DMPK: variants seen among roughly 807,000 people sequenced by gnomAD.
The protein encoded by DMPK is DM1 protein kinase.
In DMPK, 32 loss-of-function variants were observed where a neutral mutation model predicts 70.3. The ratio of observed to expected loss-of-function variants is 0.46; its 90% confidence interval spans 0.34 to 0.61. The LOEUF (loss-of-function observed/expected upper bound fraction) is 0.61. Among genes scored for constraint, DMPK ranks in the 20% least tolerant of loss-of-function variants. The probability of loss-of-function intolerance (pLI) is 0.01; values close to 1 mark genes in which losing one functional copy is unlikely to be tolerated. For missense variants in DMPK, 899 were observed against 886.0 expected (o/e 1.01, Z -0.19); for synonymous variants, 469 against 390.9 (o/e 1.20, Z -2.36).
At chr19:45,778,836 A>C (rs1969939732) in intron 4 of DMPK, 195 bp from the exon 5 acceptor site, 3 of 607,916 alleles carry the variant, frequency 4.9e-6, no homozygotes, top group East Asian at 2.8e-5. Flanking sequence ...CTCAAAAAAA[A>C]ACACAAACAA....
chr19:45,773,799 C>T (rs1969614031), intron 9 of DMPK, among the ~76,000 whole-genome samples: 1 of 152,094 alleles, frequency 6.6e-6, no homozygotes, highest in African/African-American at 2.4e-5. Context: ...GACCACCATG[C>T]CTGGCACGAT....
At chr19:45,781,636 T>C (rs978240010) in intron 1 of DMPK, among the ~76,000 whole-genome samples, 26 of 152,166 alleles carry the variant, frequency 1.7e-4, no homozygotes, top group Non-Finnish European at 2.8e-4. Flanking sequence ...TGGTGGCGCC[T>C]GTCTGCAAAG....
At position 45,778,236 on chromosome 19, in the gene DMPK, G is replaced by A. The variant is rs1969891338; in HGVS notation, c.582-16C>T. The A allele has an allele frequency of 6.2e-7, 1 of 1,606,570 alleles. No individual in the cohort carries two copies. Among genetic ancestry groups the A allele is most frequent in the African/African-American group, 1.3e-5 (1 of 74,714 alleles). ...TTTGATGTCCCTGCACGGAGGAAAAGAGAAGGGTGGGATAAATGAACCTCC... is the reference window on the plus strand; with the variant it reads ...TTTGATGTCCCTGCACGGAGGAAAAAAGAAGGGTGGGATAAATGAACCTCC... On this transcript the variant is annotated splice_polypyrimidine_tract_variant and intron_variant, in intron 5 of 14. Coordinates refer to ENST00000291270, the MANE Select transcript of DMPK (RefSeq NM_004409.5).
In DMPK at chr19:45,771,052, G is replaced by A. The variant is rs752900688; in HGVS notation, c.1656C>T (p.Gly552=). 5.3e-6 allele frequency: 8 copies of A among 1,519,942 alleles called. No individual in the cohort carries two copies. The Middle Eastern group carries it at 5.1e-4, about 97-fold the overall frequency. 94.2% of individuals were successfully genotyped at this position (1,519,942 alleles called of 1,614,324 possible). Reference sequence around the variant, plus strand: ...ACTGGCCCACAGCCACGGCCGGGGGGCCATCTAGCTGGAGAGAGAAGGGAC... The same window carrying A: ...ACTGGCCCACAGCCACGGCCGGGGGACCATCTAGCTGGAGAGAGAAGGGAC... ...RATDPPSHLD[G]PPAVAVGQCP... is the part of the protein sequence containing the mutation. Residue 552 remains glycine (G), a synonymous_variant, in exon 14 of 15, where the codon GGC becomes GGT. Transcript: ENST00000291270.
At chr19:45,782,156 C>G (rs1970157608) in intron 1 of DMPK, 37 bp downstream of exon 1, 1 of 1,190,104 alleles carries the variant, frequency 8.4e-7, no homozygotes, top group South Asian at 1.8e-5. Context: ...GCCCCACCCC[C>G]ACCCCATCTG....
At chr19:45,779,042 G>A (rs1399111804) in intron 4 of DMPK, 3 of 601,116 alleles carry the variant, frequency 5.0e-6, no homozygotes, top group Non-Finnish European at 8.9e-6. Context: ...CTTTATAAGA[G>A]TCCCCCAGAT....
chr19:45,775,117 C>G (rs1035648697), intron 8 of DMPK, 83 bp from the exon 9 acceptor site: 8 of 1,090,416 alleles, frequency 7.3e-6, no homozygotes, highest in Middle Eastern at 1.9e-4. Flanking sequence ...ATGTTCCCCC[C>G]AAACCAGCCC....
At chr19:45,779,905 C>T (rs1362269202) in intron 1 of DMPK, 36 bp from the exon 2 acceptor site, 2 of 1,613,752 alleles carry the variant, frequency 1.2e-6, no homozygotes, top group Admixed American at 1.7e-5. Context: ...CCGAGGGTCA[C>T]CAGAAAGGGC....
rs2146248845 is a variant in DMPK at position 45,777,631 on chromosome 19, C to T, written c.882+36G>A. On this transcript the variant is annotated intron_variant, in intron 7 of 14. Transcript: ENST00000291270. This position sits in a 1 kb window ranked among gnomAD's most constrained non-coding sequence, Gnocchi z 6.7. ...GGAGGCGATAGCCTGGGAGCGCCTA[C>T]CGGGAGAGGCCAGGTCTCCCTGCGG... 2.5e-6 allele frequency: 4 copies of T among 1,613,306 alleles called. No individual in the cohort carries two copies. Among genetic ancestry groups the T allele is most frequent in the South Asian group, 1.1e-5 (1 of 91,058 alleles).
intron 1 of DMPK, among the ~76,000 whole-genome samples, chr19:45,781,002 G>A (rs766274584): frequency 6.6e-6 from 1 of 152,166 alleles, no homozygotes; most frequent in Non-Finnish European, 1.5e-5. Flanking sequence ...AGGGAGGCCA[G>A]GAGAGTCATT....
intron 14 of DMPK, 147 bp from the exon 15 acceptor site, chr19:45,770,787 C>G: frequency 2.8e-6 from 3 of 1,073,102 alleles, no homozygotes; most frequent in Non-Finnish European, 2.6e-6. Flanking sequence ...AGTCCACTCG[C>G]ACGCCTCGAA....
chr19:45,777,440 C>T lies in DMPK; in HGVS notation c.1033G>A (p.Asp345Asn), dbSNP rs1324188189. The change falls in exon 8 of 15, where the codon GAT becomes AAT. Residue 345 changes from aspartate (D) to asparagine (N), a missense_variant. Coordinates refer to ENST00000291270, the MANE Select transcript of DMPK (RefSeq NM_004409.5). This position sits in a 1 kb window ranked among gnomAD's most constrained non-coding sequence, Gnocchi z 6.7. ...THPFFFGLDW[D>N]GLRDSVPPFT... ...GGGGGCACGCTGTCCCGGAGACCATCCCAGTCGAGGCCAAAGAAGAAGGGA... is the reference window on the plus strand; with the variant it reads ...GGGGGCACGCTGTCCCGGAGACCATTCCAGTCGAGGCCAAAGAAGAAGGGA... 1.9e-6 allele frequency: 3 copies of T among 1,613,524 alleles called. No homozygotes were observed. The highest frequency in any genetic ancestry group is 2.2e-5 in the East Asian group (1 of 44,886).
chr19:45,781,647 C>A, intron 1 of DMPK, among the ~76,000 whole-genome samples: 1 of 152,236 alleles, frequency 6.6e-6, no homozygotes. Flanking sequence ...GTCTGCAAAG[C>A]TGGTTCTCCC....
chr19:45,779,491 T>A lies in DMPK; in HGVS notation c.284A>T (p.Gln95Leu), dbSNP rs1239016140. The change falls in exon 3 of 15, where the codon CAG (glutamine) becomes CTG (leucine). Residue 95 changes from glutamine (Q) to leucine (L), a missense_variant. Physicochemically the swap from Gln to Leu is moderately radical, Grantham distance 113. Transcript: ENST00000291270. The part of the protein sequence containing the change: ...VAVVKMKQTG[Q>L]VYAMKIMNKW... ...GTTCATGATCTTCATGGCATACACC[T>A]GGCCCGTCTGCTTCATCTTCACTAC... 6.2e-7 allele frequency: 1 copy of A among 1,613,890 alleles called. No individual in the cohort carries two copies. The highest frequency in any genetic ancestry group is 1.1e-5 in the South Asian group (1 of 91,072).
rs1969447542 is a variant in DMPK, at chr19:45,771,561, G to A, written c.1600+7C>T. 2 of 1,613,804 alleles carry A rather than the reference G, an allele frequency of 1.2e-6. No individual in the cohort carries two copies. The highest frequency in any genetic ancestry group is 8.5e-7 in the Non-Finnish European group (1 of 1,179,950). ...CCTCCGGGGAAGGGGACACATGAGGGACTCACCTGTGGCTCCCTCTGCCTG... is the reference window on the plus strand; with the variant it reads ...CCTCCGGGGAAGGGGACACATGAGGAACTCACCTGTGGCTCCCTCTGCCTG... On this transcript the variant is annotated splice_region_variant and intron_variant, in intron 12 of 14. Coordinates refer to ENST00000291270, the MANE Select transcript of DMPK (RefSeq NM_004409.5).
rs1384048220 is a variant in DMPK at position 45,771,016 on chromosome 19, C to T, written c.1692G>A (p.Val564=). Reference sequence around the variant, plus strand: ...GGCGGCGGTGCATGGGGCCTGGCCCCACCAGCGGGCACTGGCCCACAGCCA... The same window carrying T: ...GGCGGCGGTGCATGGGGCCTGGCCCTACCAGCGGGCACTGGCCCACAGCCA... ...PAVAVGQCPL[V]GPGPMHRRHL... is the part of the protein sequence containing the mutation. The change falls in exon 14 of 15, where the codon GTG becomes GTA. Residue 564 remains valine, a synonymous_variant. Transcript: ENST00000291270. The T allele has an allele frequency of 1.4e-6, 2 of 1,477,658 alleles. No individual in the cohort carries two copies. Among genetic ancestry groups the T allele is most frequent in the Non-Finnish European group, 1.8e-6 (2 of 1,117,864 alleles). 91.5% of individuals were successfully genotyped at this position (1,477,658 alleles called of 1,614,324 possible).
At position 45,770,542 on chromosome 19, in the gene DMPK, G is replaced by T. The variant is rs753341366; in HGVS notation, c.1836C>A (p.His612Gln). The T allele has an allele frequency of 1.1e-4, 176 of 1,550,720 alleles. No individual in the cohort carries two copies. Among genetic ancestry groups the T allele is most frequent in the Non-Finnish European group, 1.5e-4 (171 of 1,146,928 alleles). Residue 612 changes from histidine (H) to glutamine (Q), a missense_variant, in exon 15 of 15, where the codon CAC becomes CAA. Coordinates refer to ENST00000291270, the MANE Select transcript of DMPK (RefSeq NM_004409.5). ...AALGCIGLVAHAGQLTAVWRR... is the reference protein window; with the variant it reads ...AALGCIGLVAQAGQLTAVWRR... ...GCCAGACTGCGGTGAGTTGGCCGGC[G>T]TGGGCCACCAACCCAATGCAGCCCA...
rs1173256294 is a variant in DMPK, at chr19:45,771,427, G to A, written c.1601-31C>T. The A allele has an allele frequency of 1.2e-5, 19 of 1,611,322 alleles. No individual in the cohort carries two copies. In the South Asian group the frequency reaches 2.0e-4, roughly 17 times the overall value. On this transcript the variant is annotated intron_variant, in intron 12 of 14. Transcript: ENST00000291270. ...AGGAGAAGAAAGAGGCATAGGGCGCGTGGAGGGGCGAAGGAGGGCGGTGGC... is the reference window on the plus strand; with the variant it reads ...AGGAGAAGAAAGAGGCATAGGGCGCATGGAGGGGCGAAGGAGGGCGGTGGC...
chr19:45,780,305 T>TG (rs1970046303), intron 1 of DMPK: 1 of 1,559,252 alleles, frequency 6.4e-7, no homozygotes, highest in Admixed American at 1.8e-5. Flanking sequence ...GGCCCAGACG[T>TG]GGGGTTGTAT....
Sources: gnomAD v4.1 joint callset for allele counts (sites outside exome capture counted in the v4.1 genomes callset) on GRCh38, gnomAD v4.1.1 for gene constraint, Gnocchi (gnomAD v3.1) non-coding constraint, MANE v1.5 for transcripts, NCBI Gene and HGNC (gene_info 2026-07-23, HGNC 2026-07-21) for gene names.